The following CNTN6 variants were observed in gnomAD, a reference collection of about 807,000 sequenced individuals.
CNTN6 encodes contactin 6.
Under a neutral mutation model 122.8 loss-of-function variants are expected in CNTN6, and 137 were observed. The observed-to-expected ratio is 1.12, with a 90% confidence interval of 0.97 to 1.29. The LOEUF (loss-of-function observed/expected upper bound fraction) is 1.29, where lower values mean the gene tolerates loss of function less well. Ranked by LOEUF, CNTN6 falls within the 50% of genes most tolerant of loss-of-function variation. The pLI, the probability that CNTN6 is intolerant of heterozygous loss-of-function variation, is 0.00. For missense variants in CNTN6, 1,634 were observed against 1,223.4 expected (o/e 1.34, Z -5.01); for synonymous variants, 570 against 426.0 (o/e 1.34, Z -4.16).
At position 1,403,540 on chromosome 3, in the gene CNTN6, ATAT is replaced by A; in HGVS notation, c.*128_*130del. ...CTTGTTTGCAAAGAAAAAAAAAAGT[ATAT>A]TATTAAAATCCTGTAAATATCTATG... On this transcript the variant is annotated 3_prime_UTR_variant, in exon 23 of 23. Coordinates refer to ENST00000446702, the MANE Select transcript of CNTN6 (RefSeq NM_001289080.2). 1 of 518,064 alleles carries A rather than the reference ATAT, an allele frequency of 1.9e-6. No homozygotes were observed. Among genetic ancestry groups the A allele is most frequent in the East Asian group, 3.1e-5 (1 of 32,346 alleles). 32.1% of individuals were successfully genotyped at this position (518,064 alleles called of 1,614,324 possible).
At chr3:1,190,078 T>A (rs1483544880) in intron 2 of CNTN6, among the ~76,000 whole-genome samples, 3 of 152,186 alleles carry the variant, frequency 2.0e-5, no homozygotes, top group Admixed American at 2.0e-4. Context: ...ACGCAGTGAA[T>A]CTGGTAAGGG....
chr3:1,195,014 A>C (rs1394261344), intron 2 of CNTN6, among the ~76,000 whole-genome samples: 1 of 152,072 alleles, frequency 6.6e-6, no homozygotes, highest in Non-Finnish European at 1.5e-5. Flanking sequence ...GGCAAATCAA[A>C]CAATCTACTA....
Position 1,329,772 on chromosome 3 carries a change from A to G in CNTN6, c.1214-13A>G. 2 of 1,600,046 alleles carry G rather than the reference A, an allele frequency of 1.2e-6. No homozygotes were observed. Among genetic ancestry groups the G allele is most frequent in the Non-Finnish European group, 1.7e-6 (2 of 1,173,482 alleles). ...GAGTAATTAAACAATTTTGTCTTTG[A>G]TTTTGTTTTTAGCCTCAGCTCCAGA... On this transcript the variant is annotated splice_polypyrimidine_tract_variant and intron_variant, in intron 10 of 22. Coordinates refer to ENST00000446702, the MANE Select transcript of CNTN6 (RefSeq NM_001289080.2).
intron 2 of CNTN6, among the ~76,000 whole-genome samples, chr3:1,197,692 G>A (rs1433005315): frequency 3.3e-5 from 5 of 152,128 alleles, no homozygotes; most frequent in East Asian, 1.9e-4. Context: ...TTTACCAGCT[G>A]TGTGAACTTG....
chr3:1,153,988 G>A (rs2092905499), intron 2 of CNTN6, among the ~76,000 whole-genome samples: 2 of 152,196 alleles, frequency 1.3e-5, no homozygotes, highest in Admixed American at 1.3e-4. Flanking sequence ...GCACCTTTAA[G>A]AATGGAACAC....
intron 20 of CNTN6, among the ~76,000 whole-genome samples, chr3:1,396,022 A>G (rs1429720783): frequency 6.6e-6 from 1 of 152,058 alleles, no homozygotes; most frequent in Non-Finnish European, 1.5e-5. Context: ...CAAATCCTCC[A>G]TCTAAACCTC....
At chr3:1,336,609 T>G (rs1031269349) in intron 11 of CNTN6, among the ~76,000 whole-genome samples, 2 of 152,152 alleles carry the variant, frequency 1.3e-5, no homozygotes, top group Admixed American at 1.3e-4. Context: ...AAATCATGGA[T>G]TCTGTGTGAT....
At chr3:1,343,458 T>A (rs964659783) in intron 11 of CNTN6, among the ~76,000 whole-genome samples, 2 of 152,150 alleles carry the variant, frequency 1.3e-5, no homozygotes, top group African/African-American at 2.4e-5. Flanking sequence ...ATAAAGTTTA[T>A]ACTCCTTATT....
At chr3:1,209,372 C>T (rs569012109) in intron 2 of CNTN6, among the ~76,000 whole-genome samples, 25 of 152,226 alleles carry the variant, frequency 1.6e-4, no homozygotes, top group South Asian at 4.1e-4. Context: ...TAAGAAATAA[C>T]AAGCATGGCC....
At chr3:1,207,328 CA>C (rs1254579021) in intron 2 of CNTN6, among the ~76,000 whole-genome samples, 1 of 151,884 alleles carries the variant, frequency 6.6e-6, no homozygotes, top group Non-Finnish European at 1.5e-5. Flanking sequence ...CTTTAATATA[CA>C]AAAAAAGATC....
At chr3:1,399,479 T>G (rs1198322356) in intron 20 of CNTN6, among the ~76,000 whole-genome samples, 1 of 152,062 alleles carries the variant, frequency 6.6e-6, no homozygotes, top group African/African-American at 2.4e-5. Flanking sequence ...GGCCTTTAAT[T>G]ATGGGTTTAT....
chr3:1,315,403 A>C (rs980018452), intron 7 of CNTN6, among the ~76,000 whole-genome samples: 23 of 151,974 alleles, frequency 1.5e-4, no homozygotes, highest in African/African-American at 5.6e-4. Context: ...GGTAGATCAC[A>C]ATAAATTAGC....
intron 4 of CNTN6, among the ~76,000 whole-genome samples, chr3:1,277,949 A>C (rs1692714998): frequency 6.6e-6 from 1 of 152,106 alleles, no homozygotes; most frequent in African/African-American, 2.4e-5. Flanking sequence ...TTTTTGTCTC[A>C]TTGGTTCTGT....
At chr3:1,350,371 G>A (rs1388178630) in intron 11 of CNTN6, among the ~76,000 whole-genome samples, 1 of 151,760 alleles carries the variant, frequency 6.6e-6, no homozygotes, top group Non-Finnish European at 1.5e-5. Flanking sequence ...AATGGTTCTG[G>A]AAAAAGCCTG....
chr3:1,286,495 G>A (rs1694364941), intron 5 of CNTN6, among the ~76,000 whole-genome samples: 1 of 151,978 alleles, frequency 6.6e-6, no homozygotes, highest in African/African-American at 2.4e-5. Flanking sequence ...ATGGTTTCGA[G>A]CTTCATCCAT....
intron 2 of CNTN6, among the ~76,000 whole-genome samples, chr3:1,155,568 A>G (rs1308151149): frequency 2.0e-5 from 3 of 152,166 alleles, no homozygotes; most frequent in African/African-American, 7.2e-5. Flanking sequence ...TTGCTTAGAC[A>G]CACTTGACCT....
intron 1 of CNTN6, among the ~76,000 whole-genome samples, chr3:1,112,646 A>T (rs779331675): frequency 6.6e-6 from 1 of 152,076 alleles, no homozygotes; most frequent in Non-Finnish European, 1.5e-5. Flanking sequence ...GTTCACTCAG[A>T]CTCACATGCT....
intron 2 of CNTN6, among the ~76,000 whole-genome samples, chr3:1,203,382 T>G (rs1219711006): frequency 2.6e-5 from 4 of 152,214 alleles, no homozygotes; most frequent in Non-Finnish European, 1.5e-5. Flanking sequence ...AGATATGAGC[T>G]GATAAAACTT....
chr3:1,125,512 T>C (rs1408578487), intron 1 of CNTN6, among the ~76,000 whole-genome samples: 1 of 151,928 alleles, frequency 6.6e-6, no homozygotes, highest in Non-Finnish European at 1.5e-5. Context: ...CACAGTCAAA[T>C]GCCAGAGGCA....
Sources: gnomAD v4.1 joint callset for allele counts (sites outside exome capture counted in the v4.1 genomes callset) on GRCh38, gnomAD v4.1.1 for gene constraint, MANE v1.5 for transcripts, NCBI Gene and HGNC (gene_info 2026-07-23, HGNC 2026-07-21) for gene names.